The following DISC1 variants were observed in gnomAD, a reference collection of about 807,000 sequenced individuals.
DISC1 encodes the protein DISC1 scaffold protein.
Under a neutral mutation model 84.5 loss-of-function variants are expected in DISC1, and 57 were observed. The observed-to-expected ratio is 0.67, with a 90% confidence interval of 0.55 to 0.84. The LOEUF (loss-of-function observed/expected upper bound fraction) is 0.84. Among genes scored for constraint, DISC1 ranks in the 40% least tolerant of loss-of-function variants. DISC1 has a pLI of 0.00. For synonymous variants in DISC1, 411 were observed against 415.2 expected (o/e 0.99, Z 0.12); for missense variants, 1,000 against 1,057.8 (o/e 0.95, Z 0.76).
chr1:231,805,062 T>C (rs999076840), intron 8 of DISC1, among the ~76,000 whole-genome samples: 3 of 152,168 alleles, frequency 2.0e-5, no homozygotes, highest in African/African-American at 7.2e-5. Flanking sequence ...CATGATGATA[T>C]TAATATATCC....
At chr1:231,822,801 C>G (rs2081592716) in intron 9 of DISC1, among the ~76,000 whole-genome samples, 1 of 152,112 alleles carries the variant, frequency 6.6e-6, no homozygotes. Context: ...CCACTCATGG[C>G]AGAAGATGAA....
Position 231,855,319 on chromosome 1 carries a change from A to ATC in DISC1, c.1981+36802_1981+36803insTC, listed in dbSNP as rs1275264399. 3.0e-5 allele frequency: 28 copies of ATC among 939,012 alleles called. No homozygotes were observed. The South Asian group carries it at 9.8e-4, about 33-fold the overall frequency. The allele number at this position is 939,012 out of a possible 1,614,324, so 58.2% of individuals were successfully genotyped here. On this transcript the variant is annotated intron_variant, in intron 9 of 12. Coordinates refer to ENST00000439617, the MANE Select transcript of DISC1 (RefSeq NM_018662.3). ...TTTCAAAATAACATGTTATATATAT[A>ATC]ATACATACAATTTTTGTCAATTAAA...
At chr1:231,715,533 T>C (rs1934909) in intron 3 of DISC1, among the ~76,000 whole-genome samples, 134,814 of 152,246 alleles carry the variant, frequency 0.89, 59,814 homozygotes, top group East Asian at 0.98. Flanking sequence ...CTGTGGCTGT[T>C]TTTCCGGGAG....
rs1193565841 is a variant in DISC1, at chr1:232,031,053, G to A, written c.2425+4501G>A. On this transcript the variant is annotated intron_variant, in intron 12 of 12. Transcript: ENST00000439617. This position sits in a 1 kb window ranked among gnomAD's most constrained non-coding sequence, Gnocchi z 4.6. ...ACCCAGGAGGTGGAGGTCGCAGTGA[G>A]CTGAGACTGCACACTACTACACTCC... 2.0e-5 allele frequency among the ~76,000 whole-genome samples: 3 copies of A among 151,846 alleles called. 1 individual carries two copies. The highest frequency in any genetic ancestry group is 4.8e-5 in the African/African-American group (2 of 41,290).
chr1:231,799,694 T>C (rs1269766467), intron 7 of DISC1, among the ~76,000 whole-genome samples: 1 of 151,652 alleles, frequency 6.6e-6, no homozygotes, highest in Admixed American at 6.6e-5. Context: ...GCAGGAGTGA[T>C]GCAATTATGT....
chr1:231,998,606 C>A (rs1416189265), intron 10 of DISC1, among the ~76,000 whole-genome samples: 1 of 151,982 alleles, frequency 6.6e-6, no homozygotes, highest in Non-Finnish European at 1.5e-5. Context: ...AATGTGGAAC[C>A]AAGAATATTA....
intron 10 of DISC1, among the ~76,000 whole-genome samples, chr1:231,999,556 C>T (rs545325331): frequency 6.6e-6 from 1 of 152,244 alleles, no homozygotes; most frequent in African/African-American, 2.4e-5. Context: ...CAAGAGGGAC[C>T]CTGCCACAAC....
chr1:231,955,213 C>G (rs1444527907), intron 9 of DISC1, among the ~76,000 whole-genome samples: 1 of 152,200 alleles, frequency 6.6e-6, no homozygotes, highest in Non-Finnish European at 1.5e-5. Context: ...TTAAGTTACT[C>G]CCACTTCCTT....
intron 9 of DISC1, among the ~76,000 whole-genome samples, chr1:231,920,988 C>A (rs2089964428): frequency 6.6e-6 from 1 of 150,808 alleles, no homozygotes; most frequent in Admixed American, 6.6e-5. Flanking sequence ...CTCACTGCAG[C>A]CTCCACCTCC....
At chr1:231,759,443 C>G (rs2075426181) in intron 4 of DISC1, among the ~76,000 whole-genome samples, 1 of 122,616 alleles carries the variant, frequency 8.2e-6, no homozygotes, top group Non-Finnish European at 1.6e-5. Context: ...AATCCCAGCT[C>G]TTTGGGAGGC....
At chr1:231,678,259 C>T (rs946271367) in intron 1 of DISC1, among the ~76,000 whole-genome samples, 5 of 152,150 alleles carry the variant, frequency 3.3e-5, no homozygotes, top group Non-Finnish European at 7.4e-5. Context: ...GAATTGTAAA[C>T]AGGAGGTCAA....
intron 8 of DISC1, among the ~76,000 whole-genome samples, chr1:231,809,528 A>AAAG (rs2080084848): frequency 6.6e-6 from 1 of 151,064 alleles, no homozygotes; most frequent in African/African-American, 2.4e-5. Flanking sequence ...TTTTTTGAAA[A>AAAG]AAAAAAAAAA....
chr1:231,771,848 G>A (rs1019120343), intron 6 of DISC1, among the ~76,000 whole-genome samples: 11 of 152,092 alleles, frequency 7.2e-5, no homozygotes, highest in African/African-American at 2.7e-4. Flanking sequence ...TTGTTGCCCA[G>A]GCTGGAGCAC....
intron 3 of DISC1, among the ~76,000 whole-genome samples, chr1:231,734,949 C>T (rs1470342020): frequency 6.6e-6 from 1 of 152,190 alleles, no homozygotes; most frequent in Non-Finnish European, 1.5e-5. Context: ...TTACCCTAAG[C>T]TGTTTAGCAT....
chr1:231,842,890 C>T (rs934484548), intron 9 of DISC1, among the ~76,000 whole-genome samples: 3 of 152,064 alleles, frequency 2.0e-5, no homozygotes, highest in Admixed American at 6.6e-5. Context: ...CTTGTGACAG[C>T]GGGAGACCCT....
chr1:232,033,553 G>A (rs1670247889), intron 12 of DISC1, among the ~76,000 whole-genome samples: 1 of 152,148 alleles, frequency 6.6e-6, no homozygotes, highest in Admixed American at 6.5e-5. Flanking sequence ...CTACCAACAT[G>A]GCGCCTGTTT....
At chr1:231,631,847 T>C (rs1372753276) in intron 1 of DISC1, among the ~76,000 whole-genome samples, 1 of 152,206 alleles carries the variant, frequency 6.6e-6, no homozygotes, top group Non-Finnish European at 1.5e-5. Context: ...ATAGCCTAAG[T>C]GTACAGCGTT....
intron 3 of DISC1, among the ~76,000 whole-genome samples, chr1:231,705,892 A>T (rs2067036386): frequency 6.6e-6 from 1 of 152,140 alleles, no homozygotes; most frequent in African/African-American, 2.4e-5. Context: ...GCCAGAAGAA[A>T]TGAGAGGGTG....
chr1:231,840,647 C>G (rs1321081289), intron 9 of DISC1, among the ~76,000 whole-genome samples: 1 of 151,276 alleles, frequency 6.6e-6, no homozygotes, highest in Non-Finnish European at 1.5e-5. Context: ...GGGGAAGGGT[C>G]TGATTAGAAA....
Sources: allele counts gnomAD v4.1 joint callset (sites outside exome capture counted in the v4.1 genomes callset), GRCh38; gene constraint gnomAD v4.1.1; non-coding constraint Gnocchi (gnomAD v3.1); transcripts MANE v1.5; gene names NCBI Gene and HGNC (gene_info 2026-07-23, HGNC 2026-07-21).